The following DIP2B variants were observed in gnomAD, a reference collection of about 807,000 sequenced individuals.
The protein encoded by DIP2B is disco-interacting protein 2 homolog B.
In DIP2B, 76 loss-of-function variants were observed where a neutral mutation model predicts 198.0. The observed-to-expected ratio is 0.38, with a 90% CI of 0.32 to 0.46. The LOEUF (loss-of-function observed/expected upper bound fraction) is 0.46, where lower values mean the gene tolerates loss of function less well. Among genes scored for constraint, DIP2B ranks in the 20% least tolerant of loss-of-function variants. The pLI is 0.99. For synonymous variants in DIP2B, 701 were observed against 739.1 expected (o/e 0.95, Z 0.84); for missense variants, 1,559 against 1,978.4 (o/e 0.79, Z 4.02).
chr12:50,573,382 C>G (rs1958632159), intron 1 of DIP2B, among the ~76,000 whole-genome samples: 1 of 152,232 alleles, frequency 6.6e-6, no homozygotes, highest in East Asian at 1.9e-4. Flanking sequence ...CTTGTTCCAC[C>G]TGCCTTGCCA....
At chr12:50,602,671 C>A (rs1213477819) in intron 1 of DIP2B, among the ~76,000 whole-genome samples, 28 of 141,954 alleles carry the variant, frequency 2.0e-4, no homozygotes, top group East Asian at 1.1e-3. Flanking sequence ...CCATCCTGGC[C>A]AACATGGTGA....
At chr12:50,738,885 AAC>A (rs1940185506) in intron 35 of DIP2B, among the ~76,000 whole-genome samples, 1 of 152,256 alleles carries the variant, frequency 6.6e-6, no homozygotes, top group Non-Finnish European at 1.5e-5. Context: ...GTGTACATGG[AAC>A]AGTGTCTGTC....
At position 50,727,755 on chromosome 12, in the gene DIP2B, G is replaced by A. The variant is rs1306419944; in HGVS notation, c.3453G>A (p.Glu1151=). The A allele has an allele frequency of 6.2e-7, 1 of 1,614,194 alleles. No homozygotes were observed. Among genetic ancestry groups the A allele is most frequent in the East Asian group, 2.2e-5 (1 of 44,884 alleles). ...AGCTGTATAAACCGCCCACTCCTGA[G>A]ATGTTGGCATATCTTGATTTTAGTG... is the stretch of plus-strand genomic sequence containing the variant. The part of the protein sequence containing the change: ...LPQLYKPPTP[E]MLAYLDFSVS... The change falls in exon 29 of 38, where the codon GAG becomes GAA. Residue 1151 remains glutamate (E), a synonymous_variant. Transcript: ENST00000301180.
intron 1 of DIP2B, among the ~76,000 whole-genome samples, chr12:50,541,538 C>T (rs1437743260): frequency 6.6e-6 from 1 of 151,706 alleles, no homozygotes; most frequent in Non-Finnish European, 1.5e-5. Context: ...TTCATATTCC[C>T]TTGAATTTTA....
intron 1 of DIP2B, among the ~76,000 whole-genome samples, chr12:50,557,422 C>T (rs1481106502): frequency 6.6e-6 from 1 of 152,180 alleles, no homozygotes; most frequent in Non-Finnish European, 1.5e-5. Flanking sequence ...ATGATCTCTC[C>T]ACTTTGGGGC....
intron 27 of DIP2B, among the ~76,000 whole-genome samples, chr12:50,724,139 T>C (rs1053096098): frequency 6.6e-6 from 1 of 152,216 alleles, no homozygotes; most frequent in Non-Finnish European, 1.5e-5. Context: ...ATGATCACCA[T>C]AGATGATTTT....
chr12:50,555,047 C>T (rs887298513), intron 1 of DIP2B, among the ~76,000 whole-genome samples: 15 of 152,122 alleles, frequency 9.9e-5, no homozygotes, highest in Non-Finnish European at 2.1e-4. Context: ...GGATTATAGG[C>T]GTGAGCCACC....
chr12:50,742,247 A>G (rs1418443771), intron 37 of DIP2B, among the ~76,000 whole-genome samples: 1 of 151,896 alleles, frequency 6.6e-6, no homozygotes, highest in Non-Finnish European at 1.5e-5. Flanking sequence ...AAAAATTAAA[A>G]AAATAGCCAG....
At chr12:50,730,547 T>C (rs756292436) in intron 30 of DIP2B, among the ~76,000 whole-genome samples, 1 of 151,944 alleles carries the variant, frequency 6.6e-6, no homozygotes, top group Non-Finnish European at 1.5e-5. Flanking sequence ...GCCTGGCTAA[T>C]TGTTAAAAAA....
At chr12:50,654,387 C>T (rs1391915244) in intron 3 of DIP2B, among the ~76,000 whole-genome samples, 1 of 148,270 alleles carries the variant, frequency 6.7e-6, no homozygotes, top group Non-Finnish European at 1.5e-5. Context: ...TAGAGTGTAA[C>T]TCTGTTGCCC....
At chr12:50,516,420 GA>G (rs1958065746) in intron 1 of DIP2B, among the ~76,000 whole-genome samples, 1 of 151,952 alleles carries the variant, frequency 6.6e-6, no homozygotes. Context: ...ACACCTGGCT[GA>G]TTTTTTATTT....
intron 4 of DIP2B, among the ~76,000 whole-genome samples, chr12:50,663,011 A>C (rs913935961): frequency 1.3e-5 from 2 of 152,202 alleles, no homozygotes; most frequent in Admixed American, 6.5e-5. Context: ...CAGGAGGCTG[A>C]GGCAGGGGAA....
At chr12:50,556,088 CTG>C (rs571110589) in intron 1 of DIP2B, among the ~76,000 whole-genome samples, 51 of 152,220 alleles carry the variant, frequency 3.4e-4, no homozygotes, top group African/African-American at 1.2e-3. Context: ...GAGTCTTTCT[CTG>C]TCACCCAAGC....
chr12:50,553,536 TA>T (rs1487130894), intron 1 of DIP2B, among the ~76,000 whole-genome samples: 42 of 152,336 alleles, frequency 2.8e-4, no homozygotes, highest in African/African-American at 9.6e-4. Context: ...ACGACTGAAT[TA>T]AGCATCTGGA....
chr12:50,656,241 T>C (rs1378428730), intron 3 of DIP2B, among the ~76,000 whole-genome samples: 2 of 152,198 alleles, frequency 1.3e-5, no homozygotes, highest in East Asian at 1.9e-4. Context: ...CCAATAGCAC[T>C]GAGTACCCCT....
Position 50,731,387 on chromosome 12 carries a change from G to A in DIP2B, c.3660G>A (p.Gln1220=). The A allele has an allele frequency of 6.2e-7, 1 of 1,614,006 alleles. No individual in the cohort carries two copies. Among genetic ancestry groups the A allele is most frequent in the Admixed American group, 1.7e-5 (1 of 60,006 alleles). The change falls in exon 31 of 38, where the codon CAG becomes CAA. Residue 1220 remains glutamine (Q), a synonymous_variant. Transcript: ENST00000301180. ...WCLCSVYSGH[Q]SVLIPPMELE... ...ACTGCAGTGTCTATTCAGGCCACCA[G>A]TCTGTCTTAATTCCTCCTATGGAGT...
At chr12:50,563,523 G>A (rs1391243344) in intron 1 of DIP2B, among the ~76,000 whole-genome samples, 21 of 123,460 alleles carry the variant, frequency 1.7e-4, no homozygotes, top group Non-Finnish European at 2.9e-4. Flanking sequence ...GCAGTATCTT[G>A]CTCTATTGCT....
chr12:50,659,333 A>G (rs557697123), intron 3 of DIP2B, among the ~76,000 whole-genome samples: 1 of 152,246 alleles, frequency 6.6e-6, no homozygotes, highest in African/African-American at 2.4e-5. Context: ...AGCTCTTATA[A>G]GGGGTATATT....
intron 36 of DIP2B, among the ~76,000 whole-genome samples, chr12:50,740,838 C>G (rs1001786617): frequency 1.3e-5 from 2 of 152,214 alleles, no homozygotes; most frequent in African/African-American, 2.4e-5. Context: ...TCCTCTCCCT[C>G]TCAAGTCCTG....
Sources: gnomAD v4.1 joint callset for allele counts (sites outside exome capture counted in the v4.1 genomes callset) on GRCh38, gnomAD v4.1.1 for gene constraint, MANE v1.5 for transcripts, NCBI Gene and HGNC (gene_info 2026-07-23, HGNC 2026-07-21) for gene names.